The following SIRPG variants were observed in gnomAD, a reference collection of about 807,000 sequenced individuals.
The protein encoded by SIRPG is signal regulatory protein gamma.
A neutral mutation model predicts 35.7 loss-of-function variants in SIRPG; 38 were observed. The observed-to-expected ratio is 1.06, with a 90% confidence interval of 0.82 to 1.40. The LOEUF is 1.40. Among genes scored for constraint, SIRPG ranks in the 40% most tolerant of loss-of-function variants. The probability of loss-of-function intolerance (pLI) is 0.00; values close to 1 mark genes in which losing one functional copy is unlikely to be tolerated. For synonymous variants in SIRPG, 215 were observed against 190.4 expected, an observed-to-expected ratio of 1.13 and a Z score of -1.06; for missense variants, 519 against 483.0, an observed-to-expected ratio of 1.07 and a Z score of -0.70.
At chr20:1,671,450 A>C in the SIRPG span, among the ~76,000 whole-genome samples, 1 of 152,170 alleles carries the variant, frequency 6.6e-6, no homozygotes, top group Non-Finnish European at 1.5e-5. Flanking sequence ...AAAGTTACTG[A>C]TTGGTCTCCC....
Position 1,656,605 on chromosome 20 carries a change from C to A in SIRPG, c.73+1037G>T, listed in dbSNP as rs943248589. On this transcript the variant is annotated intron_variant, in intron 1 of 5. Transcript: ENST00000303415. ...TGTGACCGGGGGTCAGCTGCATGGTCTGAAAAAGGGGTGAAGACAGGCAGC... is the reference window on the plus strand; with the variant it reads ...TGTGACCGGGGGTCAGCTGCATGGTATGAAAAAGGGGTGAAGACAGGCAGC... Among the ~76,000 whole-genome samples the A allele has an allele frequency of 2.6e-5, 4 of 152,204 alleles. No individual in the cohort carries two copies. The East Asian group carries it at 5.8e-4, about 22-fold the overall frequency.
intron 1 of SIRPG, among the ~76,000 whole-genome samples, chr20:1,653,505 A>G (rs2091955408): frequency 6.6e-6 from 1 of 152,210 alleles, no homozygotes; most frequent in Admixed American, 6.5e-5. Flanking sequence ...GGATATAAAT[A>G]TAACTATAGT....
At chr20:1,633,523 A>G (rs2091767471) in intron 4 of SIRPG, 1 of 152,204 alleles carries the variant, frequency 6.6e-6, no homozygotes, top group Non-Finnish European at 1.5e-5. Flanking sequence ...AGATCACCCA[A>G]CTATGGATTC....
At chr20:1,683,430 C>T in the SIRPG span, among the ~76,000 whole-genome samples, 1 of 152,170 alleles carries the variant, frequency 6.6e-6, no homozygotes, top group East Asian at 1.9e-4. Flanking sequence ...CAGCATGTCA[C>T]AGCGATATCT....
At chr20:1,672,183 A>C in the SIRPG span, among the ~76,000 whole-genome samples, 39 of 152,154 alleles carry the variant, frequency 2.6e-4, no homozygotes, top group African/African-American at 9.4e-4. Context: ...CCCGGGATGC[A>C]GTGAGGATTA....
chr20:1,673,505 G>C, the SIRPG span, among the ~76,000 whole-genome samples: 1 of 151,552 alleles, frequency 6.6e-6, no homozygotes, highest in Admixed American at 6.6e-5. Flanking sequence ...TTTTCAGGAG[G>C]TTTGGTCATT....
At chr20:1,638,973 G>A (rs2091827877) in intron 2 of SIRPG, among the ~76,000 whole-genome samples, 1 of 152,146 alleles carries the variant, frequency 6.6e-6, no homozygotes, top group African/African-American at 2.4e-5. Flanking sequence ...TGGCTGCATA[G>A]TATTCCATGG....
intron 1 of SIRPG, among the ~76,000 whole-genome samples, chr20:1,655,886 GCATGTA>G (rs1259841953): frequency 4.6e-5 from 7 of 151,934 alleles, no homozygotes; most frequent in Non-Finnish European, 1.0e-4. Context: ...TCTCATCTGT[GCATGTA>G]CATGTACATG....
At chr20:1,667,975 C>T in the SIRPG span, among the ~76,000 whole-genome samples, 6 of 152,302 alleles carry the variant, frequency 3.9e-5, no homozygotes, top group African/African-American at 1.4e-4. Flanking sequence ...CTTTGACTAC[C>T]TATCCTCCCT....
the SIRPG span, among the ~76,000 whole-genome samples, chr20:1,663,748 G>A: frequency 9.8e-5 from 15 of 152,350 alleles, no homozygotes; most frequent in East Asian, 2.9e-3. Flanking sequence ...TTGAACTGTC[G>A]CGGCATTCCT....
the SIRPG span, among the ~76,000 whole-genome samples, chr20:1,666,885 C>T: frequency 6.6e-6 from 1 of 151,846 alleles, no homozygotes; most frequent in Non-Finnish European, 1.5e-5. Context: ...ATTTACTGCA[C>T]CTTTTAATGT....
At position 1,657,716 on chromosome 20, in the gene SIRPG, T is replaced by G. The variant is rs2091984147; in HGVS notation, c.-2A>C. ...GGGCCAGGAGGCTGGGACAGGCATT[T>G]TGGAGACCTCAGAAGCCTGCTCTGT... On this transcript the variant is annotated 5_prime_UTR_variant, in exon 1 of 6. Transcript: ENST00000303415. The G allele has an allele frequency of 3.1e-6, 5 of 1,614,094 alleles. No individual in the cohort carries two copies. Among genetic ancestry groups the G allele is most frequent in the Non-Finnish European group, 4.2e-6 (5 of 1,179,982 alleles).
intron 2 of SIRPG, chr20:1,647,685 C>A (rs1191013140): frequency 2.0e-5 from 3 of 152,144 alleles, no homozygotes; most frequent in Non-Finnish European, 4.4e-5. Context: ...TTTGATATTT[C>A]CATAAATTGG....
intron 3 of SIRPG, 102 bp downstream of exon 3, chr20:1,636,086 A>G: frequency 6.5e-7 from 1 of 1,530,470 alleles, no homozygotes; most frequent in South Asian, 1.2e-5. Context: ...ATAGTCAGGG[A>G]TTAGATTACA....
At chr20:1,652,013 A>G (rs1321758745) in intron 1 of SIRPG, among the ~76,000 whole-genome samples, 1 of 152,166 alleles carries the variant, frequency 6.6e-6, no homozygotes, top group African/African-American at 2.4e-5. Flanking sequence ...ATCAACAGGC[A>G]CTCCTTTTAG....
the SIRPG span, among the ~76,000 whole-genome samples, chr20:1,665,877 A>G: frequency 1.1e-4 from 16 of 152,240 alleles, no homozygotes; most frequent in South Asian, 1.7e-3. Context: ...GTTTAAATAT[A>G]AATTAAAATC....
At chr20:1,669,361 G>A in the SIRPG span, among the ~76,000 whole-genome samples, 10 of 152,220 alleles carry the variant, frequency 6.6e-5, no homozygotes, top group African/African-American at 1.9e-4. Context: ...ATAGATGAAC[G>A]GAAATTTGCA....
the SIRPG span, among the ~76,000 whole-genome samples, chr20:1,685,095 G>C: frequency 6.6e-6 from 1 of 152,222 alleles, no homozygotes; most frequent in Non-Finnish European, 1.5e-5. Flanking sequence ...TCAGCTCCCT[G>C]GCCTGAGTAG....
At chr20:1,673,660 C>T in the SIRPG span, among the ~76,000 whole-genome samples, 1 of 152,056 alleles carries the variant, frequency 6.6e-6, no homozygotes, top group Non-Finnish European at 1.5e-5. Context: ...TGAGGATTCT[C>T]TCCCCTTTTC....
Sources: gnomAD v4.1 joint callset for allele counts (sites outside exome capture counted in the v4.1 genomes callset) on GRCh38, gnomAD v4.1.1 for gene constraint, MANE v1.5 for transcripts, NCBI Gene and HGNC (gene_info 2026-07-23, HGNC 2026-07-21) for gene names.